The following FAAH2 variants were observed in gnomAD, a reference collection of about 807,000 sequenced individuals.
FAAH2 encodes fatty acid amide hydrolase 2.
A neutral mutation model predicts 36.9 loss-of-function variants in FAAH2; 60 were observed. The observed-to-expected ratio is 1.63, with a 90% CI of 1.32 to 2.02. The LOEUF is 2.02. Among genes scored for constraint, FAAH2 ranks in the 30% most tolerant of loss-of-function variants. FAAH2 has a pLI of 0.00. For missense variants in FAAH2, 689 were observed against 397.5 expected (o/e 1.73, Z -6.23); for synonymous variants, 214 against 143.8 (o/e 1.49, Z -3.49).
At chrX:57,176,496 T>C in the FAAH2 span, among the ~76,000 whole-genome samples, 3 of 77,676 alleles carry the variant, frequency 3.9e-5, no homozygotes, top group Non-Finnish European at 6.3e-5. Flanking sequence ...GTTTCAATAA[T>C]TTTTTTATGT....
At chrX:57,438,278 G>T (rs867034152) in intron 8 of FAAH2, among the ~76,000 whole-genome samples, 1 of 74,295 alleles carries the variant, frequency 1.3e-5, no homozygotes, top group Non-Finnish European at 2.7e-5. Flanking sequence ...TATAGATATA[G>T]ATATCAGTAA....
intron 5 of FAAH2, among the ~76,000 whole-genome samples, chrX:57,360,864 C>A (rs1402800118): frequency 9.1e-6 from 1 of 110,413 alleles, no homozygotes; most frequent in African/African-American, 3.3e-5. Context: ...GTGTGTTGTT[C>A]CCCTCCCTGT....
At chrX:57,321,503 A>T (rs1223192239) in intron 3 of FAAH2, among the ~76,000 whole-genome samples, 1 of 110,072 alleles carries the variant, frequency 9.1e-6, no homozygotes, top group Non-Finnish European at 1.9e-5. Context: ...TTAAAAAAAT[A>T]GTTTTCCAAT....
At chrX:57,219,863 C>CTTTTTTTT in the FAAH2 span, among the ~76,000 whole-genome samples, 41 of 35,631 alleles carry the variant, frequency 1.2e-3, 2 homozygotes, top group African/African-American at 3.2e-3. Flanking sequence ...AGCGCCTTGT[C>CTTTTTTTT]TTTTTTTTTT....
chrX:57,353,908 A>T (rs1031050384), intron 5 of FAAH2, among the ~76,000 whole-genome samples: 1 of 111,267 alleles, frequency 9.0e-6, no homozygotes, highest in Non-Finnish European at 1.9e-5. Context: ...ATTATATCTT[A>T]CTCCAGTCAG....
the FAAH2 span, among the ~76,000 whole-genome samples, chrX:57,254,764 C>T: frequency 1.8e-5 from 2 of 111,852 alleles, no homozygotes; most frequent in African/African-American, 6.5e-5. Context: ...CTCTGGGGCA[C>T]ATTTAAAGCA....
the FAAH2 span, among the ~76,000 whole-genome samples, chrX:57,201,903 T>C: frequency 8.9e-6 from 1 of 111,772 alleles, no homozygotes; most frequent in Admixed American, 9.5e-5. Context: ...TTTTTTCTGC[T>C]TGATAATTCT....
the FAAH2 span, among the ~76,000 whole-genome samples, chrX:57,208,117 C>G: frequency 1.8e-5 from 2 of 112,429 alleles, no homozygotes; most frequent in Non-Finnish European, 3.8e-5. Context: ...AGCGGTCGCT[C>G]GAGGCACTAT....
In FAAH2 at chrX:57,301,094, C is replaced by T. The variant is rs974841623; in HGVS notation, c.275+8514C>T. ...CTAGAACTAGAAATACCATTTGATCCAGCCATCCCATTACTGGGTATATAC... is the reference window on the plus strand; with the variant it reads ...CTAGAACTAGAAATACCATTTGATCTAGCCATCCCATTACTGGGTATATAC... On this transcript the variant is annotated intron_variant, in intron 2 of 10. Coordinates refer to ENST00000374900, the MANE Select transcript of FAAH2 (RefSeq NM_174912.4). Among the ~76,000 whole-genome samples, 16 of 108,178 alleles carry T rather than the reference C, an allele frequency of 1.5e-4. 1 individual carries two copies. The highest frequency in any genetic ancestry group is 4.0e-4 in the Admixed American group (4 of 10,057). 93.9% of individuals were successfully genotyped at this position (108,178 alleles called of 115,157 possible). A position where few individuals can be genotyped will look rare whatever the true frequency, so the allele number is the denominator to read the frequency against.
chrX:57,215,495 A>G, the FAAH2 span, among the ~76,000 whole-genome samples: 2 of 111,776 alleles, frequency 1.8e-5, no homozygotes, highest in Admixed American at 1.9e-4. Context: ...AAATAATTCT[A>G]TTATAAAGAT....
At chrX:57,386,496 G>A (rs187717115) in intron 7 of FAAH2, among the ~76,000 whole-genome samples, 28 of 111,385 alleles carry the variant, frequency 2.5e-4, no homozygotes, top group Non-Finnish European at 4.9e-4. Flanking sequence ...AGGAGCAGGA[G>A]GAAAAAAGTA....
At chrX:57,455,675 T>C (rs764191607) in intron 10 of FAAH2, among the ~76,000 whole-genome samples, 2 of 111,965 alleles carry the variant, frequency 1.8e-5, no homozygotes, top group Admixed American at 1.9e-4. Flanking sequence ...GATTAACAAA[T>C]TTTAAACCAG....
At chrX:57,405,501 T>A (rs2055546022) in intron 7 of FAAH2, among the ~76,000 whole-genome samples, 1 of 108,295 alleles carries the variant, frequency 9.2e-6, no homozygotes, top group Non-Finnish European at 1.9e-5. Flanking sequence ...GCTGGATCAG[T>A]AGTGTGGCAG....
the FAAH2 span, among the ~76,000 whole-genome samples, chrX:57,253,286 C>T: frequency 9.1e-6 from 1 of 109,853 alleles, no homozygotes; most frequent in Non-Finnish European, 1.9e-5. Flanking sequence ...ACCAGATCTA[C>T]GTTTGATTGG....
the FAAH2 span, among the ~76,000 whole-genome samples, chrX:57,161,210 C>T: frequency 2.7e-5 from 3 of 112,165 alleles, no homozygotes; most frequent in Admixed American, 2.8e-4. Flanking sequence ...TTTGATTGCA[C>T]TGTGGTTTCA....
intron 5 of FAAH2, among the ~76,000 whole-genome samples, chrX:57,349,098 T>C (rs113413905): frequency 1.0e-5 from 1 of 97,451 alleles, no homozygotes; most frequent in African/African-American, 3.7e-5. Flanking sequence ...ATATATTATA[T>C]ATATAATGTA....
intron 10 of FAAH2, among the ~76,000 whole-genome samples, chrX:57,451,194 G>A (rs2056777430): frequency 9.0e-6 from 1 of 111,453 alleles, no homozygotes; most frequent in African/African-American, 3.3e-5. Context: ...GAAACAGGAG[G>A]CTGAACAGGG....
At chrX:57,429,535 A>C (rs1050515793) in intron 7 of FAAH2, among the ~76,000 whole-genome samples, 8 of 111,472 alleles carry the variant, frequency 7.2e-5, no homozygotes, top group Admixed American at 4.8e-4. Flanking sequence ...AAAATAACAG[A>C]TATTGGCAAG....
the FAAH2 span, among the ~76,000 whole-genome samples, chrX:57,133,889 T>A: frequency 9.0e-6 from 1 of 111,365 alleles, no homozygotes; most frequent in Non-Finnish European, 1.9e-5. Flanking sequence ...CCTCAGGCCA[T>A]GTTGGGTGGA....
Sources: allele counts gnomAD v4.1 joint callset (sites outside exome capture counted in the v4.1 genomes callset), GRCh38; gene constraint gnomAD v4.1.1; transcripts MANE v1.5; gene names NCBI Gene and HGNC (gene_info 2026-07-23, HGNC 2026-07-21).